FOXP1: variants seen among roughly 807,000 people sequenced by gnomAD.
The protein encoded by FOXP1 is forkhead box P1.
FOXP1 carries 15 observed loss-of-function variants against 98.2 expected under a neutral mutation model. The observed-to-expected ratio is 0.15, with a 90% CI of 0.10 to 0.24. The LOEUF is 0.24. Among genes scored for constraint, FOXP1 ranks in the 10% least tolerant of loss-of-function variants. The pLI is 1.00. For synonymous variants in FOXP1, 371 were observed against 314.5 expected, an observed-to-expected ratio of 1.18 and a Z score of -1.90; for missense variants, 633 against 848.5, an observed-to-expected ratio of 0.75 and a Z score of 3.15.
chr3:71,376,805 G>A (rs2079749440), intron 3 of FOXP1, among the ~76,000 whole-genome samples: 1 of 152,150 alleles, frequency 6.6e-6, no homozygotes, highest in Non-Finnish European at 1.5e-5. Flanking sequence ...GTTGGAGGAT[G>A]ATTTTTACAC....
At chr3:71,397,122 A>G (rs2081587611) in intron 3 of FOXP1, among the ~76,000 whole-genome samples, 1 of 138,688 alleles carries the variant, frequency 7.2e-6, no homozygotes. Flanking sequence ...ATGTGTATAT[A>G]TACACATTTA....
chr3:71,240,253 T>A (rs1031245630), intron 5 of FOXP1, among the ~76,000 whole-genome samples: 2 of 152,228 alleles, frequency 1.3e-5, no homozygotes, highest in African/African-American at 4.8e-5. Flanking sequence ...GCGAGAGCCA[T>A]GGGGAGAATC....
chr3:71,284,805 G>A (rs1354256071), intron 5 of FOXP1, among the ~76,000 whole-genome samples: 5 of 151,654 alleles, frequency 3.3e-5, no homozygotes, highest in African/African-American at 9.7e-5. Context: ...ATACTGTATG[G>A]CTACAACTTT....
intron 3 of FOXP1, among the ~76,000 whole-genome samples, chr3:71,413,292 C>CACACACA (rs1364185381): frequency 1.2e-3 from 108 of 89,218 alleles, no homozygotes; most frequent in Non-Finnish European, 1.8e-3. Context: ...ACACACACAC[C>CACACACA]CAAAACAGCC....
chr3:71,190,638 CAAAAA>C (rs55747148), intron 6 of FOXP1, among the ~76,000 whole-genome samples: 37 of 43,516 alleles, frequency 8.5e-4, no homozygotes, highest in South Asian at 4.2e-3. Context: ...ACCCCATCTC[CAAAAA>C]AAAAAAAAAA....
At chr3:71,030,730 T>C (rs1196366592) in intron 11 of FOXP1, among the ~76,000 whole-genome samples, 1 of 152,204 alleles carries the variant, frequency 6.6e-6, no homozygotes, top group Non-Finnish European at 1.5e-5. Flanking sequence ...TTGTTGAGTT[T>C]CTTTTTATTT....
intron 3 of FOXP1, among the ~76,000 whole-genome samples, chr3:71,480,737 T>C (rs1226803409): frequency 1.3e-5 from 2 of 152,132 alleles, no homozygotes; most frequent in Non-Finnish European, 2.9e-5. Flanking sequence ...GCTTGTCAAG[T>C]AGAAGAGATG....
chr3:71,430,190 C>T (rs574030382), intron 3 of FOXP1, among the ~76,000 whole-genome samples: 11 of 152,220 alleles, frequency 7.2e-5, no homozygotes, highest in Middle Eastern at 6.8e-3. Flanking sequence ...CCAGCCCATA[C>T]CACGGAAAGC....
At chr3:71,557,355 GA>G (rs962721131) in intron 2 of FOXP1, among the ~76,000 whole-genome samples, 7 of 139,218 alleles carry the variant, frequency 5.0e-5, no homozygotes, top group Non-Finnish European at 1.6e-5. Context: ...ATCTTTCTCT[GA>G]AAAAAAAATC....
chr3:71,580,801 C>G, intron 2 of FOXP1: 1 of 985,406 alleles, frequency 1.0e-6, no homozygotes, highest in Non-Finnish European at 1.2e-6. Flanking sequence ...GCCCTAAACC[C>G]TTAAGTCTAC....
intron 3 of FOXP1, among the ~76,000 whole-genome samples, chr3:71,412,076 T>TCC (rs2082795304): frequency 6.6e-6 from 1 of 151,776 alleles, no homozygotes; most frequent in East Asian, 1.9e-4. Context: ...CACCTGTCTC[T>TCC]CCCTGCAGTC....
intron 7 of FOXP1, among the ~76,000 whole-genome samples, chr3:71,095,499 T>C (rs374556404): frequency 1.3e-5 from 2 of 152,198 alleles, no homozygotes; most frequent in African/African-American, 4.8e-5. Context: ...AGAGGCCCAG[T>C]TGGTCTTCCT....
chr3:71,447,016 A>T (rs532755804), intron 3 of FOXP1, among the ~76,000 whole-genome samples: 1 of 152,362 alleles, frequency 6.6e-6, no homozygotes, highest in South Asian at 2.1e-4. Context: ...TCCCTAACAG[A>T]CAGCTTTGAC....
chr3:71,278,609 C>G (rs1399137122), intron 5 of FOXP1, among the ~76,000 whole-genome samples: 2 of 151,620 alleles, frequency 1.3e-5, no homozygotes, highest in Non-Finnish European at 2.9e-5. Flanking sequence ...GGTGAAACCC[C>G]ATCTCTACTA....
At chr3:71,244,500 A>AG (rs1279767052) in intron 5 of FOXP1, among the ~76,000 whole-genome samples, 737 of 65,812 alleles carry the variant, frequency 0.011, 7 homozygotes, top group African/African-American at 0.057. Context: ...GAGTTGAAAA[A>AG]GGGAAAAAAA....
chr3:71,559,580 A>G (rs9861487), intron 2 of FOXP1, among the ~76,000 whole-genome samples: 12,697 of 152,222 alleles, frequency 0.083, 682 homozygotes, highest in African/African-American at 0.14. Flanking sequence ...ATGGTGGCTC[A>G]TACTTGTAAT....
At chr3:71,104,610 G>T (rs1575709233) in intron 7 of FOXP1, among the ~76,000 whole-genome samples, 1 of 152,058 alleles carries the variant, frequency 6.6e-6, no homozygotes, top group African/African-American at 2.4e-5. Flanking sequence ...ATTGCTTGCA[G>T]TTCTGAATTC....
At chr3:71,182,729 A>G (rs1368006609) in intron 6 of FOXP1, among the ~76,000 whole-genome samples, 1 of 151,720 alleles carries the variant, frequency 6.6e-6, no homozygotes, top group Non-Finnish European at 1.5e-5. Flanking sequence ...CTTAATTTTT[A>G]GTAGATACGA....
chr3:71,475,272 G>C (rs1486999742), intron 3 of FOXP1, among the ~76,000 whole-genome samples: 3 of 152,128 alleles, frequency 2.0e-5, no homozygotes, highest in Non-Finnish European at 4.4e-5. Context: ...AGCAGGCTAA[G>C]ATGCTCAAAC....
Sources: gnomAD v4.1 joint callset for allele counts (sites outside exome capture counted in the v4.1 genomes callset) on GRCh38, gnomAD v4.1.1 for gene constraint, MANE v1.5 for transcripts, NCBI Gene and HGNC (gene_info 2026-07-23, HGNC 2026-07-21) for gene names.